The following RAI2 variants were observed in gnomAD, a reference collection of about 807,000 sequenced individuals.
RAI2 encodes the protein retinoic acid induced 2.
In RAI2, 5 loss-of-function variants were observed where a neutral mutation model predicts 15.3. The observed-to-expected ratio is 0.33, with a 90% CI of 0.17 to 0.69. RAI2 has a LOEUF of 0.69. Among genes scored for constraint, RAI2 ranks in the 30% least tolerant of loss-of-function variants. The pLI, the probability that RAI2 is intolerant of heterozygous loss-of-function variation, is 0.69. For synonymous variants in RAI2, 191 were observed against 184.0 expected (o/e 1.04, Z -0.31); for missense variants, 424 against 424.7 (o/e 1.00, Z 0.01).
chrX:17,801,177 G>A lies in RAI2; in HGVS notation c.834C>T (p.Gly278=). ...CATCTTTTTCCAGAGGGGTCTGGGT[G>A]CCTTTAAAGGGGTGCAGGCCGAAGG... ...PSSFGLHPFK[G]TQTPLEKDEL... Residue 278 remains glycine (G), a synonymous_variant, in exon 2 of 2, where the codon GGC becomes GGT. Transcript: ENST00000451717. 1 of 1,211,180 alleles carries A rather than the reference G, an allele frequency of 8.3e-7. No homozygotes were observed. The highest frequency in any genetic ancestry group is 1.8e-5 in the South Asian group (1 of 56,957).
intron 1 of RAI2, among the ~76,000 whole-genome samples, chrX:17,841,789 C>G (rs1176238977): frequency 1.8e-5 from 2 of 112,058 alleles, no homozygotes; most frequent in African/African-American, 6.5e-5. Flanking sequence ...GAAGCACGTG[C>G]GATGGCAGTA....
intron 1 of RAI2, among the ~76,000 whole-genome samples, chrX:17,843,481 G>A (rs2067422249): frequency 1.8e-5 from 2 of 112,288 alleles, no homozygotes; most frequent in Admixed American, 1.9e-4. Flanking sequence ...AGCCAAGGAA[G>A]AACTGTCTAA....
At position 17,826,009 on chromosome X, in the gene RAI2, A is replaced by G. The variant is rs5955908; in HGVS notation, c.-24-23975T>C. ...ACAGTGACTATTCCCTCCTTCTTTT[A>G]AAACATAAATCAAATAGTTTTATTT... On this transcript the variant is annotated intron_variant, in intron 1 of 1. Transcript: ENST00000451717. Among the ~76,000 whole-genome samples the G allele has an allele frequency of 9.4e-3, 1,060 of 112,327 alleles. 12 individuals carry two copies. Among genetic ancestry groups the G allele is most frequent in the African/African-American group, 0.031 (971 of 30,887 alleles).
At chrX:17,816,215 T>C (rs932923151) in intron 1 of RAI2, among the ~76,000 whole-genome samples, 2 of 110,902 alleles carry the variant, frequency 1.8e-5, no homozygotes, top group Admixed American at 9.6e-5. Context: ...TGGTACCACC[T>C]TGGTGTGACT....
rs1482841365 is a variant in RAI2, at chrX:17,800,967, T to C, written c.1044A>G (p.Ala348=). Residue 348 remains alanine (A), a synonymous_variant, in exon 2 of 2, where the codon GCA becomes GCG. Coordinates refer to ENST00000451717, the MANE Select transcript of RAI2 (RefSeq NM_021785.6). ...GGGGAGGCTCGGATTTCCGGTGGGC[T>C]GCCACTGACAGGTCTAGGGCTGCAT... ...QEDAALDLSV[A]AHRKSEPPPE... 3.3e-6 allele frequency: 4 copies of C among 1,211,183 alleles called. No individual in the cohort carries two copies. The highest frequency in any genetic ancestry group is 4.5e-6 in the Non-Finnish European group (4 of 895,127).
chrX:17,850,067 T>A (rs1310674684), intron 1 of RAI2, among the ~76,000 whole-genome samples: 2 of 112,098 alleles, frequency 1.8e-5, no homozygotes, highest in African/African-American at 6.5e-5. Flanking sequence ...CCTCCCATGA[T>A]GCCTTACTGA....
chrX:17,810,132 G>T (rs1020689395), intron 1 of RAI2, among the ~76,000 whole-genome samples: 3 of 110,994 alleles, frequency 2.7e-5, no homozygotes, highest in Non-Finnish European at 5.7e-5. Context: ...ACTTGCTCAA[G>T]TTCACACAGC....
At chrX:17,855,604 G>A (rs970227145) in intron 1 of RAI2, among the ~76,000 whole-genome samples, 1 of 111,636 alleles carries the variant, frequency 9.0e-6, no homozygotes, top group Non-Finnish European at 1.9e-5. Context: ...TGTGGCTACT[G>A]ACTCAGCCCC....
intron 1 of RAI2, among the ~76,000 whole-genome samples, chrX:17,856,913 A>G (rs2067614960): frequency 9.0e-6 from 1 of 111,073 alleles, no homozygotes; most frequent in Non-Finnish European, 1.9e-5. Context: ...TCATGTGTGA[A>G]CTCCAGAAGT....
intron 1 of RAI2, among the ~76,000 whole-genome samples, chrX:17,829,674 T>C (rs1234342331): frequency 8.9e-6 from 1 of 112,712 alleles, no homozygotes; most frequent in African/African-American, 3.2e-5. Flanking sequence ...CATTTTTAGA[T>C]ATGAGATTTG....
At chrX:17,842,149 T>C (rs1173283731) in intron 1 of RAI2, among the ~76,000 whole-genome samples, 1 of 111,360 alleles carries the variant, frequency 9.0e-6, no homozygotes, top group South Asian at 3.9e-4. Flanking sequence ...ACTCGTCCCA[T>C]TATGTAGTAG....
intron 1 of RAI2, among the ~76,000 whole-genome samples, chrX:17,822,470 C>T (rs762743596): frequency 1.8e-5 from 2 of 111,978 alleles, no homozygotes; most frequent in Non-Finnish European, 3.8e-5. Flanking sequence ...GAGATTTCAG[C>T]CCCTCCACTC....
intron 1 of RAI2, among the ~76,000 whole-genome samples, chrX:17,836,471 C>G (rs1256814659): frequency 1.8e-5 from 2 of 112,032 alleles, no homozygotes; most frequent in Non-Finnish European, 3.8e-5. Flanking sequence ...GAATACTGTA[C>G]TAAAAGTGAA....
chrX:17,802,276 A>T (rs1464555532), intron 1 of RAI2, among the ~76,000 whole-genome samples: 2 of 112,114 alleles, frequency 1.8e-5, no homozygotes, highest in African/African-American at 6.5e-5. Context: ...AGATGATGTA[A>T]TCAGTAAATA....
At chrX:17,833,455 A>G (rs1029659089) in intron 1 of RAI2, among the ~76,000 whole-genome samples, 6 of 111,736 alleles carry the variant, frequency 5.4e-5, no homozygotes, top group African/African-American at 2.0e-4. Context: ...CCGGGAGGTG[A>G]AGGTTGCAGT....
chrX:17,817,803 T>C (rs1448883771), intron 1 of RAI2, among the ~76,000 whole-genome samples: 1 of 112,630 alleles, frequency 8.9e-6, no homozygotes, highest in Non-Finnish European at 1.9e-5. Flanking sequence ...CCTGGATTTC[T>C]ACCTTCTCCC....
chrX:17,835,928 T>G (rs1453277504), intron 1 of RAI2, among the ~76,000 whole-genome samples: 1 of 112,359 alleles, frequency 8.9e-6, no homozygotes, highest in Non-Finnish European at 1.9e-5. Context: ...TCAAAACTAT[T>G]TAACTTTATT....
intron 1 of RAI2, among the ~76,000 whole-genome samples, chrX:17,816,555 C>G (rs764802823): frequency 8.9e-6 from 1 of 112,536 alleles, no homozygotes; most frequent in South Asian, 3.7e-4. Context: ...TGTCTTGGCC[C>G]AGCCCTGCTT....
chrX:17,827,559 A>C (rs1307448565), intron 1 of RAI2, among the ~76,000 whole-genome samples: 1 of 112,081 alleles, frequency 8.9e-6, no homozygotes, highest in Non-Finnish European at 1.9e-5. Context: ...AAAGATGCAG[A>C]AACTGAGGCA....
Sources: gnomAD v4.1 joint callset for allele counts (sites outside exome capture counted in the v4.1 genomes callset) on GRCh38, gnomAD v4.1.1 for gene constraint, MANE v1.5 for transcripts, NCBI Gene and HGNC (gene_info 2026-07-23, HGNC 2026-07-21) for gene names.